XKR5: variants seen among roughly 807,000 people sequenced by gnomAD.
The protein encoded by XKR5 is XK related 5.
A neutral mutation model predicts 40.8 loss-of-function variants in XKR5; 46 were observed. The observed-to-expected ratio is 1.13, with a 90% CI of 0.89 to 1.44. The LOEUF (loss-of-function observed/expected upper bound fraction) is 1.44, where lower values mean the gene tolerates loss of function less well. Ranked by LOEUF, XKR5 falls within the 40% of genes most tolerant of loss-of-function variation. The pLI is 0.00. For missense variants in XKR5, 1,169 were observed against 844.7 expected (o/e 1.38, Z -4.76); for synonymous variants, 466 against 356.1 (o/e 1.31, Z -3.48).
chr8:6,816,006 T>G, intron 5 of XKR5, 88 bp from the exon 6 acceptor site: 1 of 932,376 alleles, frequency 1.1e-6, no homozygotes, highest in South Asian at 1.5e-5. Context: ...CGGCTCCCCC[T>G]CCCCTCCATC....
chr8:6,826,581 C>T (rs567574140), intron 2 of XKR5, among the ~76,000 whole-genome samples: 17 of 152,160 alleles, frequency 1.1e-4, no homozygotes, highest in African/African-American at 2.7e-4. Flanking sequence ...GTGCTACCGA[C>T]GGAAATAAGC....
chr8:6,818,082 C>T (rs1804043201), intron 5 of XKR5, among the ~76,000 whole-genome samples: 2 of 152,238 alleles, frequency 1.3e-5, no homozygotes, highest in Admixed American at 1.3e-4. Context: ...TCAGTTCATG[C>T]AGGGCTCTTC....
At position 6,811,005 on chromosome 8, in the gene XKR5, T is replaced by A. The variant is rs144059649; in HGVS notation, c.*193A>T. On this transcript the variant is annotated 3_prime_UTR_variant, in exon 7 of 7. Transcript: ENST00000618742. Reference sequence around the variant, plus strand: ...GAGTCTCTCCTATGCATGGGTGGGGTCTGTGATGTTTGCATTGGACCTGCA... The same window carrying A: ...GAGTCTCTCCTATGCATGGGTGGGGACTGTGATGTTTGCATTGGACCTGCA... 1.7e-6 allele frequency: 1 copy of A among 576,118 alleles called. No individual in the cohort carries two copies. The highest frequency in any genetic ancestry group is 3.0e-6 in the Non-Finnish European group (1 of 329,832). The allele number at this position is 576,118 out of a possible 1,614,324, so 35.7% of individuals were successfully genotyped here.
rs373740522 is a variant in XKR5, at chr8:6,818,719, A to C, written c.808-2801T>G. Among the ~76,000 whole-genome samples the C allele has an allele frequency of 1.9e-4, 29 of 152,248 alleles. No individual in the cohort carries two copies. The Middle Eastern group carries it at 0.02, about 107-fold the overall frequency. ...CAGAATCTCTGAGGGGGAGCCTGGG[A>C]ATCGCCACTTTATAAAAGCTCCCCT... On this transcript the variant is annotated intron_variant, in intron 5 of 6. Transcript: ENST00000618742.
rs1039652084 is a variant in XKR5, at chr8:6,809,349, G to C, written c.*1849C>G. 6 of 152,190 alleles carry C rather than the reference G, an allele frequency of 3.9e-5. No homozygotes were observed. The highest frequency in any genetic ancestry group is 2.6e-4 in the Admixed American group (4 of 15,286). The allele number at this position is 152,190 out of a possible 1,614,324, so 9.4% of individuals were successfully genotyped here. A position where few individuals can be genotyped will look rare whatever the true frequency, so the allele number is the denominator to read the frequency against. On this transcript the variant is annotated 3_prime_UTR_variant, in exon 7 of 7. Transcript: ENST00000618742. ...CTGTCGCCCAGGCTGGAGTGCCATGGTACGATCTCAGCTCACTGCAACCTC... is the reference window on the plus strand; with the variant it reads ...CTGTCGCCCAGGCTGGAGTGCCATGCTACGATCTCAGCTCACTGCAACCTC...
At chr8:6,814,137 C>T (rs879598859) in intron 6 of XKR5, among the ~76,000 whole-genome samples, 4 of 152,190 alleles carry the variant, frequency 2.6e-5, no homozygotes, top group African/African-American at 4.8e-5. Flanking sequence ...GCTTCTCACC[C>T]GGGCAGCGCG....
intron 6 of XKR5, among the ~76,000 whole-genome samples, chr8:6,812,708 C>G (rs1803791659): frequency 6.6e-6 from 1 of 152,170 alleles, no homozygotes; most frequent in Non-Finnish European, 1.5e-5. Flanking sequence ...AAGCATTCTA[C>G]TTTCAAGTAA....
rs114726219 is a variant in XKR5 at position 6,811,432 on chromosome 8, G to T, written c.1827C>A (p.Gly609=). The part of the protein sequence containing the change: ...SPILGTGPCR[G]FCPSAGFPGR... ...CAGGGAAGCCTGCACTGGGGCAGAA[G>T]CCTCTACATGGGCCTGTGCCTAGGA... The change falls in exon 7 of 7, where the codon GGC becomes GGA. Residue 609 remains glycine (G), a synonymous_variant. Coordinates refer to ENST00000618742, the MANE Select transcript of XKR5 (RefSeq NM_207411.5). 3 of 1,536,820 alleles carry T rather than the reference G, an allele frequency of 2.0e-6. No individual in the cohort carries two copies. The highest frequency in any genetic ancestry group is 2.6e-6 in the Non-Finnish European group (3 of 1,146,714).
rs1481204055 is a variant in XKR5, at chr8:6,835,445, G to T, written c.49C>A (p.Gln17Lys). Reference protein sequence around the residue: ...GLSALLQAAEQSARLYTVAYY... With the variant: ...GLSALLQAAEKSARLYTVAYY... The stretch of plus-strand genomic sequence containing the variant: ...GGGCTGCCGCACTCACGCGCGCTCT[G>T]CTCGGCCGCCTGCAGCAGGGCCGAG... The change falls in exon 1 of 7, where the codon CAG becomes AAG. Residue 17 changes from glutamine to lysine, a missense_variant. Gln to Lys is a moderately conservative substitution (Grantham distance 53, BLOSUM62 1). Transcript: ENST00000618742. The T allele has an allele frequency of 6.7e-7, 1 of 1,496,028 alleles. No homozygotes were observed. Among genetic ancestry groups the T allele is most frequent in the Non-Finnish European group, 8.8e-7 (1 of 1,130,134 alleles). 92.7% of individuals were successfully genotyped at this position (1,496,028 alleles called of 1,614,324 possible).
At position 6,811,636 on chromosome 8, in the gene XKR5, C is replaced by T. The variant is rs746969124; in HGVS notation, c.1623G>A (p.Thr541=). 17 of 1,537,520 alleles carry T rather than the reference C, an allele frequency of 1.1e-5. No individual in the cohort carries two copies. Among genetic ancestry groups the T allele is most frequent in the Middle Eastern group, 3.3e-4 (2 of 5,994 alleles). The change falls in exon 7 of 7, where the codon ACG becomes ACA. Residue 541 remains threonine, a synonymous_variant. Transcript: ENST00000618742. ...QRGGEGQQSS[T]LYFSATAEVA... ...CTTCTGCAGTGGCGCTGAAGTACAA[C>T]GTGGAACTCTGCTGTCCTTCCCCTC... is the stretch of plus-strand genomic sequence containing the variant.
chr8:6,829,227 T>A (rs1282162494), intron 2 of XKR5: 1 of 169,296 alleles, frequency 5.9e-6, no homozygotes, highest in Non-Finnish European at 1.5e-5. Flanking sequence ...AAAGAAAAAT[T>A]GCTAAACCAA....
intron 5 of XKR5, among the ~76,000 whole-genome samples, chr8:6,817,532 G>C (rs1295264413): frequency 1.3e-5 from 2 of 151,782 alleles, no homozygotes; most frequent in Non-Finnish European, 2.9e-5. Flanking sequence ...AACAAACACT[G>C]ACCGAGTTTC....
intron 1 of XKR5, among the ~76,000 whole-genome samples, chr8:6,833,381 T>C (rs1190619573): frequency 6.6e-6 from 1 of 152,266 alleles, no homozygotes; most frequent in Non-Finnish European, 1.5e-5. Flanking sequence ...CCATGTCTCC[T>C]GTCCTAGGAC....
intron 2 of XKR5, among the ~76,000 whole-genome samples, chr8:6,828,912 C>A (rs767840612): frequency 1.2e-4 from 19 of 152,134 alleles, no homozygotes; most frequent in Non-Finnish European, 2.2e-4. Flanking sequence ...AAATTCTTAC[C>A]CTTTAGTCTC....
chr8:6,809,091 G>C lies in XKR5; in HGVS notation c.*2107C>G, dbSNP rs1417711979. 1 of 152,442 alleles carries C rather than the reference G, an allele frequency of 6.6e-6. No individual in the cohort carries two copies. Among genetic ancestry groups the C allele is most frequent in the African/African-American group, 2.4e-5 (1 of 41,418 alleles). The allele number at this position is 152,442 out of a possible 1,614,324, so 9.4% of individuals were successfully genotyped here. On this transcript the variant is annotated 3_prime_UTR_variant, in exon 7 of 7. Transcript: ENST00000618742. ...CAACCTGGGGACAGAGGGTAGGTCT[G>C]GGAGAGCTGGAGCTGGGGAGGGCCC...
chr8:6,831,392 G>A (rs1471928117), intron 2 of XKR5, among the ~76,000 whole-genome samples: 1 of 152,144 alleles, frequency 6.6e-6, no homozygotes, highest in Non-Finnish European at 1.5e-5. Context: ...GCTGTTAGAG[G>A]TTTAGGGTCC....
chr8:6,811,377 C>G lies in XKR5; in HGVS notation c.1882G>C (p.Glu628Gln). Residue 628 changes from glutamate (E) to glutamine (Q), a missense_variant, in exon 7 of 7, where the codon GAG becomes CAG. Transcript: ENST00000618742. The part of the protein sequence containing the change: ...GRTLSISELE[E>Q]PLEPKRELSH... ...AGCTCCCTTTTGGGCTCCAGCGGCT[C>G]CTCTAGCTCTGAGATACTGAGGGTT... 6.5e-7 allele frequency: 1 copy of G among 1,537,360 alleles called. No individual in the cohort carries two copies. Among genetic ancestry groups the G allele is most frequent in the South Asian group, 1.2e-5 (1 of 84,064 alleles).
At position 6,811,739 on chromosome 8, in the gene XKR5, T is replaced by G; in HGVS notation, c.1520A>C (p.Gln507Pro). Residue 507 changes from glutamine to proline, a missense_variant, in exon 7 of 7, where the codon CAG (glutamine) becomes CCG (proline). Transcript: ENST00000618742. ...TCCTTCCTTTGGGGTGCCCTCCCCC[T>G]GCGTGGCTGCTGGGTTCTGGGTAGG... ...EAPTQNPAAT[Q>P]GEGTPKEGAD... is the part of the protein sequence containing the mutation. The G allele has an allele frequency of 6.5e-7, 1 of 1,537,586 alleles. No homozygotes were observed. The highest frequency in any genetic ancestry group is 8.7e-7 in the Non-Finnish European group (1 of 1,146,992).
intron 2 of XKR5, among the ~76,000 whole-genome samples, chr8:6,826,916 GC>G (rs1011519443): frequency 2.0e-5 from 3 of 152,186 alleles, no homozygotes; most frequent in Non-Finnish European, 2.9e-5. Flanking sequence ...TGCTCACCCA[GC>G]CTGGGTGGTC....
Sources: gnomAD v4.1 joint callset for allele counts (sites outside exome capture counted in the v4.1 genomes callset) on GRCh38, gnomAD v4.1.1 for gene constraint, MANE v1.5 for transcripts, NCBI Gene and HGNC (gene_info 2026-07-23, HGNC 2026-07-21) for gene names.